KIF26B: variants seen among roughly 807,000 people sequenced by gnomAD.
The protein encoded by KIF26B is kinesin family member 26B, also known as kinesin-like protein KIF26B.
KIF26B carries 63 observed loss-of-function variants against 151.2 expected under a neutral mutation model. The ratio of observed to expected loss-of-function variants is 0.42; its 90% confidence interval spans 0.34 to 0.51. The LOEUF (loss-of-function observed/expected upper bound fraction) is 0.51. Ranked by LOEUF, KIF26B falls within the 20% of genes least tolerant of loss-of-function variation. The probability of loss-of-function intolerance (pLI) is 0.07; values close to 1 mark genes in which losing one functional copy is unlikely to be tolerated. For missense variants in KIF26B, 2,813 were observed against 2,913.6 expected (o/e 0.97, Z 0.79); for synonymous variants, 1,357 against 1,262.1 (o/e 1.08, Z -1.59).
At chr1:245,538,583 G>T (rs1174220294) in intron 4 of KIF26B, among the ~76,000 whole-genome samples, 1 of 152,076 alleles carries the variant, frequency 6.6e-6, no homozygotes, top group African/African-American at 2.4e-5. Flanking sequence ...TGAGGCTACT[G>T]CCCGTTCTAA....
In KIF26B at chr1:245,502,939, G is replaced by A. The variant is rs922635375; in HGVS notation, c.1167-37828G>A. On this transcript the variant is annotated intron_variant, in intron 4 of 14. Transcript: ENST00000407071. Reference sequence around the variant, plus strand: ...TGCAATGGCGCGATCTCAGCTCATCGCAATCTCTGCCTCTCGGGTTCAAGT... The same window carrying A: ...TGCAATGGCGCGATCTCAGCTCATCACAATCTCTGCCTCTCGGGTTCAAGT... 9.3e-5 allele frequency among the ~76,000 whole-genome samples: 14 copies of A among 150,748 alleles called. No individual in the cohort carries two copies. In the East Asian group the frequency reaches 2.2e-3, roughly 23 times the overall value.
chr1:245,441,229 C>T (rs1659070634), intron 4 of KIF26B, among the ~76,000 whole-genome samples: 1 of 152,062 alleles, frequency 6.6e-6, no homozygotes, highest in South Asian at 2.1e-4. Flanking sequence ...CTGCCAATCA[C>T]CAGGAAGGAG....
chr1:245,612,097 TGTGTGTGTGA>T (rs1388697878), intron 9 of KIF26B, 121 bp downstream of exon 9: 492 of 652,968 alleles, frequency 7.5e-4, no homozygotes, highest in East Asian at 2.9e-3. Flanking sequence ...TGTGTGTGTG[TGTGTGTGTGA>T]GAGAGAGAGA....
At chr1:245,521,207 A>G (rs59350398) in intron 4 of KIF26B, among the ~76,000 whole-genome samples, 2,652 of 151,942 alleles carry the variant, frequency 0.017, 76 homozygotes, top group African/African-American at 0.059. Context: ...TGTGGTGGCG[A>G]GCACCTGTAG....
intron 5 of KIF26B, among the ~76,000 whole-genome samples, chr1:245,584,282 C>T (rs2043203414): frequency 6.6e-6 from 1 of 152,186 alleles, no homozygotes; most frequent in African/African-American, 2.4e-5. Context: ...GAGCAGATGC[C>T]AGTGTCATGC....
Position 245,572,178 on chromosome 1 carries a change from C to A in KIF26B, c.1351-30399C>A, listed in dbSNP as rs1156290101. Among the ~76,000 whole-genome samples the A allele has an allele frequency of 6.6e-6, 1 of 152,154 alleles. No individual in the cohort carries two copies. Among genetic ancestry groups the A allele is most frequent in the Non-Finnish European group, 1.5e-5 (1 of 68,030 alleles). Reference sequence around the variant, plus strand: ...AGACAGGCTGACTCTTACTACGTGGCCGTAGGAATGGTTTGCCCTTGCTCA... The same window carrying A: ...AGACAGGCTGACTCTTACTACGTGGACGTAGGAATGGTTTGCCCTTGCTCA... On this transcript the variant is annotated intron_variant, in intron 5 of 14. Transcript: ENST00000407071. This position sits in a 1 kb window ranked among gnomAD's most constrained non-coding sequence, Gnocchi z 4.2.
chr1:245,489,096 G>A (rs1159037259), intron 4 of KIF26B, among the ~76,000 whole-genome samples: 1 of 152,162 alleles, frequency 6.6e-6, no homozygotes, highest in Non-Finnish European at 1.5e-5. Flanking sequence ...ATAGTCTGGC[G>A]GCACGTCTGG....
chr1:245,432,314 C>CG (rs1379557501), intron 4 of KIF26B, among the ~76,000 whole-genome samples: 4 of 151,824 alleles, frequency 2.6e-5, no homozygotes, highest in Non-Finnish European at 4.4e-5. Context: ...CAGATGTTTT[C>CG]GGGGGATAGC....
intron 2 of KIF26B, among the ~76,000 whole-genome samples, chr1:245,187,608 C>T (rs1669022130): frequency 1.3e-5 from 2 of 152,178 alleles, no homozygotes; most frequent in South Asian, 2.1e-4. Flanking sequence ...AGAGAAGGTT[C>T]AGGTTCTTGT....
intron 4 of KIF26B, among the ~76,000 whole-genome samples, chr1:245,539,776 C>T (rs1572113532): frequency 6.6e-6 from 1 of 152,156 alleles, no homozygotes; most frequent in Non-Finnish European, 1.5e-5. Context: ...CCTCAGCCTC[C>T]CGAATAGCTG....
intron 4 of KIF26B, 129 bp downstream of exon 4, chr1:245,419,874 A>T: frequency 2.2e-6 from 2 of 890,252 alleles, no homozygotes; most frequent in Middle Eastern, 3.6e-4. Context: ...ATTAAGACAG[A>T]GTTTCTCAGC....
At chr1:245,327,235 T>G (rs1158621022) in intron 2 of KIF26B, among the ~76,000 whole-genome samples, 3 of 152,228 alleles carry the variant, frequency 2.0e-5, no homozygotes, top group Non-Finnish European at 4.4e-5. Context: ...AGTCTCTGGT[T>G]AGGACCATTA....
At chr1:245,465,546 C>T (rs1659768310) in intron 4 of KIF26B, among the ~76,000 whole-genome samples, 1 of 152,168 alleles carries the variant, frequency 6.6e-6, no homozygotes. Flanking sequence ...TTTTGCTTTC[C>T]TCTGTGTTCC....
intron 10 of KIF26B, among the ~76,000 whole-genome samples, chr1:245,672,872 G>GT (rs145277354): frequency 0.047 from 7,095 of 151,164 alleles, 494 homozygotes; most frequent in African/African-American, 0.15. Flanking sequence ...CAAATCCATT[G>GT]TTTTTTTTTA....
chr1:245,374,095 AT>A (rs1278763990), intron 3 of KIF26B, among the ~76,000 whole-genome samples: 29 of 4,302 alleles, frequency 6.7e-3, no homozygotes, highest in Non-Finnish European at 0.011. Flanking sequence ...AAAAAAAAAA[AT>A]ATATATATAT....
intron 9 of KIF26B, among the ~76,000 whole-genome samples, chr1:245,621,709 G>A (rs890825480): frequency 2.0e-5 from 3 of 152,198 alleles, no homozygotes; most frequent in African/African-American, 7.2e-5. Context: ...TTTCTCCCCA[G>A]CCGCCGGAAG....
At chr1:245,631,286 GC>G (rs1308798155) in intron 9 of KIF26B, among the ~76,000 whole-genome samples, 4 of 152,106 alleles carry the variant, frequency 2.6e-5, no homozygotes, top group Non-Finnish European at 5.9e-5. Flanking sequence ...CCTTTGCTAT[GC>G]TGAGGCATGT....
intron 2 of KIF26B, among the ~76,000 whole-genome samples, chr1:245,213,274 C>T (rs533126000): frequency 1.3e-5 from 2 of 152,270 alleles, no homozygotes; most frequent in African/African-American, 4.8e-5. Flanking sequence ...GGCCACATGA[C>T]CACTTCAGGC....
chr1:245,422,317 A>C (rs1322686368), intron 4 of KIF26B, among the ~76,000 whole-genome samples: 1 of 151,988 alleles, frequency 6.6e-6, no homozygotes, highest in African/African-American at 2.4e-5. Context: ...ATATTTTGCC[A>C]TGTTATTCTC....
Sources: allele counts gnomAD v4.1 joint callset (sites outside exome capture counted in the v4.1 genomes callset), GRCh38; gene constraint gnomAD v4.1.1; non-coding constraint Gnocchi (gnomAD v3.1); transcripts MANE v1.5; gene names NCBI Gene and HGNC (gene_info 2026-07-23, HGNC 2026-07-21).